KCNIP4: variants seen among roughly 807,000 people sequenced by gnomAD.
KCNIP4 encodes the protein Kv channel-interacting protein 4.
A neutral mutation model predicts 34.0 loss-of-function variants in KCNIP4; 12 were observed. That is an observed-to-expected ratio of 0.35 (90% CI 0.23 to 0.57). KCNIP4 has a LOEUF of 0.57. KCNIP4 is among the 20% of genes least tolerant of loss of function. KCNIP4 has a pLI of 0.83. For synonymous variants in KCNIP4, 124 were observed against 102.2 expected (o/e 1.21, Z -1.29); for missense variants, 238 against 311.7 (o/e 0.76, Z 1.78).
chr4:20,968,120 A>G (rs954794746), intron 1 of KCNIP4, among the ~76,000 whole-genome samples: 2 of 152,252 alleles, frequency 1.3e-5, no homozygotes, highest in African/African-American at 4.8e-5. Context: ...GTCAAAGGAT[A>G]TGAACAAACA....
intron 3 of KCNIP4, among the ~76,000 whole-genome samples, chr4:20,843,724 C>T (rs58864993): frequency 0.086 from 13,099 of 152,018 alleles, 615 homozygotes; most frequent in Non-Finnish European, 0.1. Flanking sequence ...AGCGAGACTC[C>T]GTCTCAAGAA....
At chr4:21,510,731 T>A (rs1005626128) in intron 1 of KCNIP4, among the ~76,000 whole-genome samples, 3 of 152,000 alleles carry the variant, frequency 2.0e-5, no homozygotes, top group Non-Finnish European at 4.4e-5. Context: ...AGATTTAAAT[T>A]GTTTGGCCAG....
intron 5 of KCNIP4, among the ~76,000 whole-genome samples, chr4:20,736,041 AG>A (rs1749553930): frequency 2.0e-5 from 3 of 152,188 alleles, no homozygotes; most frequent in African/African-American, 7.2e-5. Context: ...TTTTTAAATA[AG>A]TAACATCCAT....
At chr4:21,521,639 A>T (rs1031483646) in intron 1 of KCNIP4, among the ~76,000 whole-genome samples, 1 of 152,128 alleles carries the variant, frequency 6.6e-6, no homozygotes, top group Non-Finnish European at 1.5e-5. Flanking sequence ...CCCAATTGCA[A>T]GTCTCAGAGT....
intron 1 of KCNIP4, among the ~76,000 whole-genome samples, chr4:21,283,922 G>T (rs1364161263): frequency 6.6e-6 from 1 of 151,914 alleles, no homozygotes; most frequent in African/African-American, 2.4e-5. Flanking sequence ...TTTGAAATCT[G>T]CAATTTACTG....
At chr4:20,740,943 A>G (rs552563261) in intron 5 of KCNIP4, among the ~76,000 whole-genome samples, 33 of 152,264 alleles carry the variant, frequency 2.2e-4, no homozygotes, top group Non-Finnish European at 4.6e-4. Context: ...TAAAACAGAC[A>G]TTAAACCAAC....
At position 20,889,775 on chromosome 4, in the gene KCNIP4, A is replaced by AC. The variant is rs1553912058; in HGVS notation, c.62-7067_62-7066insG. On this transcript the variant is annotated intron_variant, in intron 1 of 8. Transcript: ENST00000382152. Reference sequence around the variant, plus strand: ...AATAAAAACTGGAAGTTCAAAAAAAAAAAAAAACAAAATTAAGTCAACTCC... The same window carrying AC: ...AATAAAAACTGGAAGTTCAAAAAAAACAAAAAAACAAAATTAAGTCAACTCC... Among the ~76,000 whole-genome samples, 9 of 151,780 alleles carry AC rather than the reference A, an allele frequency of 5.9e-5. No homozygotes were observed. The East Asian group carries it at 7.7e-4, about 13-fold the overall frequency.
At chr4:21,898,474 A>T (rs1409323971) in intron 1 of KCNIP4, among the ~76,000 whole-genome samples, 2 of 152,146 alleles carry the variant, frequency 1.3e-5, no homozygotes, top group Non-Finnish European at 2.9e-5. Context: ...GGCACCAGAC[A>T]GAGTCCTGAG....
At chr4:21,170,004 T>C (rs2109293974) in intron 1 of KCNIP4, among the ~76,000 whole-genome samples, 1 of 152,248 alleles carries the variant, frequency 6.6e-6, no homozygotes, top group Non-Finnish European at 1.5e-5. Context: ...TAAACTTCTG[T>C]CTATCAGAGC....
chr4:21,698,101 C>A (rs1431929094), intron 1 of KCNIP4, among the ~76,000 whole-genome samples: 1 of 152,108 alleles, frequency 6.6e-6, no homozygotes, highest in Non-Finnish European at 1.5e-5. Flanking sequence ...AGAAGCTGAC[C>A]CTGATTCTAA....
At chr4:21,948,480 C>T (rs1284342131) in intron 1 of KCNIP4, 91 bp downstream of exon 1, 1 of 1,410,662 alleles carries the variant, frequency 7.1e-7, no homozygotes, top group Non-Finnish European at 9.7e-7. Flanking sequence ...AACAAGCGTC[C>T]CCAGCCGAGG....
chr4:21,222,011 G>A (rs964613), intron 1 of KCNIP4, among the ~76,000 whole-genome samples: 71,313 of 151,984 alleles, frequency 0.47, 18,018 homozygotes, highest in African/African-American at 0.67. Context: ...CAGATCAAAC[G>A]TTGATGAAAA....
At chr4:21,418,776 C>T (rs1725186103) in intron 1 of KCNIP4, among the ~76,000 whole-genome samples, 1 of 152,212 alleles carries the variant, frequency 6.6e-6, no homozygotes, top group South Asian at 2.1e-4. Context: ...TACAGTTGTC[C>T]GTCAATCACC....
intron 1 of KCNIP4, among the ~76,000 whole-genome samples, chr4:21,068,846 T>C (rs1228713414): frequency 6.6e-6 from 1 of 152,180 alleles, no homozygotes; most frequent in African/African-American, 2.4e-5. Flanking sequence ...TAGAATAATG[T>C]TTGGAATATA....
rs553102419 is a variant in KCNIP4, at chr4:21,265,505, C to T, written c.62-382796G>A. Among the ~76,000 whole-genome samples, 11 of 152,136 alleles carry T rather than the reference C, an allele frequency of 7.2e-5. No homozygotes were observed. In the East Asian group the frequency reaches 1.9e-3, roughly 27 times the overall value. ...TTGTTGAGTGAAGTCATCCACTTAC[C>T]GAGTTGCCAGATTAAGCCAGGTAAG... On this transcript the variant is annotated intron_variant, in intron 1 of 8. Transcript: ENST00000382152.
chr4:20,749,155 CAA>C (rs1553888859), intron 5 of KCNIP4, among the ~76,000 whole-genome samples: 98 of 128,958 alleles, frequency 7.6e-4, no homozygotes, highest in South Asian at 9.9e-4. Flanking sequence ...GAGACTCTTT[CAA>C]AAAAAAAAAA....
At chr4:21,776,307 G>A (rs1165483894) in intron 1 of KCNIP4, among the ~76,000 whole-genome samples, 2 of 152,076 alleles carry the variant, frequency 1.3e-5, no homozygotes, top group Non-Finnish European at 2.9e-5. Context: ...TTGGTTGCTG[G>A]TGAAGAATTC....
At chr4:20,805,186 CTTTTTTT>C (rs10552321) in intron 3 of KCNIP4, among the ~76,000 whole-genome samples, 24 of 92,118 alleles carry the variant, frequency 2.6e-4, no homozygotes, top group East Asian at 3.3e-4. Flanking sequence ...TAGATGCTTC[CTTTTTTT>C]TTTTTTTTTT....
chr4:21,365,034 T>C (rs1719601594), intron 1 of KCNIP4, among the ~76,000 whole-genome samples: 1 of 152,194 alleles, frequency 6.6e-6, no homozygotes. Flanking sequence ...GCCAAGTTTA[T>C]ATCAAAGGAG....
Sources: gnomAD v4.1 joint callset for allele counts (sites outside exome capture counted in the v4.1 genomes callset) on GRCh38, gnomAD v4.1.1 for gene constraint, MANE v1.5 for transcripts, NCBI Gene and HGNC (gene_info 2026-07-23, HGNC 2026-07-21) for gene names.